CNTN4: variants seen among roughly 807,000 people sequenced by gnomAD.
The protein encoded by CNTN4 is contactin 4, also known as contactin-4.
CNTN4 carries 77 observed loss-of-function variants against 122.5 expected under a neutral mutation model. That is an observed-to-expected ratio of 0.63 (90% CI 0.52 to 0.76). CNTN4 has a LOEUF of 0.76. Among genes scored for constraint, CNTN4 ranks in the 30% least tolerant of loss-of-function variants. The probability of loss-of-function intolerance (pLI) is 0.00; values close to 1 mark genes in which losing one functional copy is unlikely to be tolerated. For synonymous variants in CNTN4, 512 were observed against 447.0 expected (o/e 1.15, Z -1.83); for missense variants, 1,256 against 1,259.1 (o/e 1.00, Z 0.04).
chr3:2,888,727 C>T lies in CNTN4; in HGVS notation c.940+1503C>T, dbSNP rs539261932. Among the ~76,000 whole-genome samples, 3 of 151,866 alleles carry T rather than the reference C, an allele frequency of 2.0e-5. No homozygotes were observed. In the East Asian group the frequency reaches 5.8e-4, roughly 29 times the overall value. On this transcript the variant is annotated intron_variant, in intron 10 of 24. Coordinates refer to ENST00000418658, the MANE Select transcript of CNTN4 (RefSeq NM_175607.3). ...ATATACATATATTCATATTTATATA[C>T]ATATTTATGTACATATGAAAATATG... is the stretch of plus-strand genomic sequence containing the variant.
chr3:3,023,615 C>G (rs1369765026), intron 14 of CNTN4, among the ~76,000 whole-genome samples: 1 of 152,156 alleles, frequency 6.6e-6, no homozygotes, highest in Non-Finnish European at 1.5e-5. Context: ...GGGACTGGAG[C>G]CTGGGCATTT....
At position 2,376,342 on chromosome 3, in the gene CNTN4, A is replaced by G. The variant is rs534019551; in HGVS notation, c.-89+37109A>G. On this transcript the variant is annotated intron_variant, in intron 3 of 24. Coordinates refer to ENST00000418658, the MANE Select transcript of CNTN4 (RefSeq NM_175607.3). ...TGTTTAACGTTCCTAGTAAGTGCAC[A>G]ATAAATATTAATGTTAATGGTGATG... Among the ~76,000 whole-genome samples the G allele has an allele frequency of 1.4e-3, 220 of 152,300 alleles. 1 individual carries two copies. The highest frequency in any genetic ancestry group is 3.4e-3 in the Middle Eastern group (1 of 294).
chr3:2,700,327 A>G (rs967913210), intron 4 of CNTN4, among the ~76,000 whole-genome samples: 11 of 152,342 alleles, frequency 7.2e-5, no homozygotes, highest in African/African-American at 2.6e-4. Flanking sequence ...TTATATATTT[A>G]GAGGAAGAGA....
chr3:2,505,061 T>C lies in CNTN4; in HGVS notation c.-88-66355T>C, dbSNP rs373058495. The stretch of plus-strand genomic sequence containing the variant: ...TGAGTATAGACCATGTGGTAAATAG[T>C]AGTTTTGTGGCATTGCTGCATTTCT... On this transcript the variant is annotated intron_variant, in intron 3 of 24. Transcript: ENST00000418658. 2.2e-3 allele frequency among the ~76,000 whole-genome samples: 341 copies of C among 152,276 alleles called. 4 individuals carry two copies. Among genetic ancestry groups the C allele is most frequent in the African/African-American group, 7.8e-3 (326 of 41,556 alleles).
At chr3:2,191,038 C>T (rs2037518939) in intron 2 of CNTN4, among the ~76,000 whole-genome samples, 1 of 152,080 alleles carries the variant, frequency 6.6e-6, no homozygotes, top group Non-Finnish European at 1.5e-5. Context: ...GCTTGACTCT[C>T]TCAGAATCTC....
intron 13 of CNTN4, among the ~76,000 whole-genome samples, chr3:2,944,151 G>C (rs970528865): frequency 6.6e-6 from 1 of 150,864 alleles, no homozygotes; most frequent in Non-Finnish European, 1.5e-5. Context: ...TGAATTTTTG[G>C]GGGGTTTTTT....
intron 4 of CNTN4, among the ~76,000 whole-genome samples, chr3:2,602,024 C>T (rs2081068019): frequency 6.6e-6 from 1 of 152,062 alleles, no homozygotes; most frequent in African/African-American, 2.4e-5. Context: ...CAGAAAAGGC[C>T]TTCAACAAAA....
chr3:2,910,696 A>G lies in CNTN4; in HGVS notation c.1207+7691A>G, dbSNP rs58580194. Among the ~76,000 whole-genome samples, 850 of 136,370 alleles carry G rather than the reference A, an allele frequency of 6.2e-3. 5 individuals are homozygous for G. The highest frequency in any genetic ancestry group is 0.02 in the African/African-American group (799 of 40,426). 89.5% of individuals were successfully genotyped at this position (136,370 alleles called of 152,430 possible). A position where few individuals can be genotyped will look rare whatever the true frequency, so the allele number is the denominator to read the frequency against. ...TACCCCAAGTTCTTTGAATTTGTGA[A>G]TGAATAAATAAATGAAGTAACTATT... On this transcript the variant is annotated intron_variant, in intron 12 of 24. Coordinates refer to ENST00000418658, the MANE Select transcript of CNTN4 (RefSeq NM_175607.3).
In CNTN4 at chr3:2,900,943, T is replaced by C. The variant is rs575594965; in HGVS notation, c.1077+122T>C. The C allele has an allele frequency of 5.4e-4, 703 of 1,295,088 alleles. 6 individuals carry two copies. In the Middle Eastern group the frequency reaches 7.6e-3, roughly 14 times the overall value. The allele number at this position is 1,295,088 out of a possible 1,614,324, so 80.2% of individuals were successfully genotyped here. A position where few individuals can be genotyped will look rare whatever the true frequency, so the allele number is the denominator to read the frequency against. ...AATAATATGCAATGAAACAGCATTA[T>C]GGTGGAAAAAGTGAGAGTGAATGCA... On this transcript the variant is annotated intron_variant, in intron 11 of 24. Coordinates refer to ENST00000418658, the MANE Select transcript of CNTN4 (RefSeq NM_175607.3).
chr3:2,168,117 G>A (rs2727931), intron 2 of CNTN4, among the ~76,000 whole-genome samples: 55,508 of 151,970 alleles, frequency 0.37, 10,334 homozygotes, highest in African/African-American at 0.44. Context: ...TGACCTGGGT[G>A]ACAGAGTAAG....
At chr3:2,701,523 T>C (rs1263911407) in intron 4 of CNTN4, among the ~76,000 whole-genome samples, 1 of 152,232 alleles carries the variant, frequency 6.6e-6, no homozygotes, top group East Asian at 1.9e-4. Context: ...GATCCACTTA[T>C]CCAATTTGTG....
At chr3:2,983,522 G>C (rs1233096098) in intron 13 of CNTN4, among the ~76,000 whole-genome samples, 1 of 152,140 alleles carries the variant, frequency 6.6e-6, no homozygotes, top group African/African-American at 2.4e-5. Flanking sequence ...ATTCATGAGT[G>C]TCTCACTGAC....
At chr3:2,170,481 G>C (rs1479633492) in intron 2 of CNTN4, among the ~76,000 whole-genome samples, 1 of 152,186 alleles carries the variant, frequency 6.6e-6, no homozygotes, top group Non-Finnish European at 1.5e-5. Context: ...GTGCTTGATT[G>C]AAAAGTAAAC....
intron 6 of CNTN4, among the ~76,000 whole-genome samples, chr3:2,807,308 A>G (rs1344647231): frequency 1.3e-5 from 2 of 152,208 alleles, no homozygotes; most frequent in African/African-American, 4.8e-5. Flanking sequence ...TGCAAAATCT[A>G]AATCGATGAT....
chr3:2,235,682 C>T (rs184941259), intron 2 of CNTN4, among the ~76,000 whole-genome samples: 1 of 151,938 alleles, frequency 6.6e-6, no homozygotes, highest in Non-Finnish European at 1.5e-5. Context: ...GTAAAATGAT[C>T]CCACTAGATT....
At chr3:2,758,998 C>A (rs1464153768) in intron 6 of CNTN4, among the ~76,000 whole-genome samples, 1 of 152,118 alleles carries the variant, frequency 6.6e-6, no homozygotes, top group African/African-American at 2.4e-5. Context: ...ACTTTCTGTT[C>A]CTTCCAGACC....
At chr3:2,204,073 A>C (rs950681911) in intron 2 of CNTN4, among the ~76,000 whole-genome samples, 1 of 152,172 alleles carries the variant, frequency 6.6e-6, no homozygotes, top group Non-Finnish European at 1.5e-5. Flanking sequence ...AAATTCTTAA[A>C]TTTAATAGTA....
At chr3:2,412,128 C>T (rs188105396) in intron 3 of CNTN4, among the ~76,000 whole-genome samples, 1 of 151,928 alleles carries the variant, frequency 6.6e-6, no homozygotes, top group Non-Finnish European at 1.5e-5. Context: ...TTTTGAGATT[C>T]TTTTGTATTC....
intron 13 of CNTN4, among the ~76,000 whole-genome samples, chr3:2,955,713 T>C (rs749923544): frequency 4.6e-5 from 7 of 152,156 alleles, no homozygotes; most frequent in Non-Finnish European, 1.0e-4. Context: ...TGGCAGAGGC[T>C]GAAAGAGGGA....
Sources: allele counts gnomAD v4.1 joint callset (sites outside exome capture counted in the v4.1 genomes callset), GRCh38; gene constraint gnomAD v4.1.1; transcripts MANE v1.5; gene names NCBI Gene and HGNC (gene_info 2026-07-23, HGNC 2026-07-21).